The following USP9X variants were observed in gnomAD, a reference collection of about 807,000 sequenced individuals.
USP9X encodes ubiquitin specific peptidase 9 X-linked, also known as ubiquitin carboxyl-terminal hydrolase 9X.
A neutral mutation model predicts 190.3 loss-of-function variants in USP9X; 7 were observed. The observed-to-expected ratio is 0.04, with a 90% CI of 0.02 to 0.07. The LOEUF (loss-of-function observed/expected upper bound fraction) is 0.07, where lower values mean the gene tolerates loss of function less well. USP9X is among the 10% of genes least tolerant of loss of function. The pLI, the probability that USP9X is intolerant of heterozygous loss-of-function variation, is 1.00. For missense variants in USP9X, 1,010 were observed against 1,916.9 expected (o/e 0.53, Z 8.83); for synonymous variants, 645 against 659.5 (o/e 0.98, Z 0.34).
Position 41,235,847 on chromosome X carries a change from G to A in USP9X, c.*3323G>A, listed in dbSNP as rs775290764. 1.5e-4 allele frequency: 17 copies of A among 111,544 alleles called. No individual in the cohort carries two copies. Among genetic ancestry groups the A allele is most frequent in the East Asian group, 5.6e-4 (2 of 3,589 alleles). 9.2% of individuals were successfully genotyped at this position (111,544 alleles called of 1,213,427 possible). On this transcript the variant is annotated 3_prime_UTR_variant, in exon 45 of 45. Coordinates refer to ENST00000378308, the MANE Select transcript of USP9X (RefSeq NM_001039591.3). ...TGAATAACTTAAATCCTTAATCCTC[G>A]TAGTGGTTAGAAAGATGAGGAGACT...
intron 1 of USP9X, among the ~76,000 whole-genome samples, chrX:41,114,956 C>T (rs767754897): frequency 6.3e-5 from 7 of 110,289 alleles, no homozygotes; most frequent in South Asian, 3.8e-4. Context: ...GGCGCAGTGG[C>T]TTATGCCTGT....
intron 31 of USP9X, among the ~76,000 whole-genome samples, chrX:41,202,549 C>T (rs1458785605): frequency 9.0e-6 from 1 of 111,536 alleles, no homozygotes; most frequent in East Asian, 2.8e-4. Context: ...ACTGATTTTG[C>T]TCTGAAGAAG....
At chrX:41,225,928 G>A (rs1229231698) in intron 41 of USP9X, among the ~76,000 whole-genome samples, 1 of 112,176 alleles carries the variant, frequency 8.9e-6, no homozygotes, top group Non-Finnish European at 1.9e-5. Context: ...ACAAATATGT[G>A]GAAAATGTGG....
Position 41,218,613 on chromosome X carries a change from T to G in USP9X, c.6435+16T>G. 2 of 1,179,252 alleles carry G rather than the reference T, an allele frequency of 1.7e-6. No homozygotes were observed. Among genetic ancestry groups the G allele is most frequent in the Non-Finnish European group, 2.3e-6 (2 of 867,317 alleles). Reference sequence around the variant, plus strand: ...TTCTAGTCAGGTAATTGCACAGCTTTCTTTCTAAATGATGAGATGTTTACA... The same window carrying G: ...TTCTAGTCAGGTAATTGCACAGCTTGCTTTCTAAATGATGAGATGTTTACA... On this transcript the variant is annotated intron_variant, in intron 37 of 44. Transcript: ENST00000378308.
chrX:41,087,727 T>G (rs911058371), intron 1 of USP9X, among the ~76,000 whole-genome samples: 3 of 112,302 alleles, frequency 2.7e-5, no homozygotes, highest in African/African-American at 9.7e-5. Flanking sequence ...AAATAGGACG[T>G]TTGGACTATA....
At chrX:41,096,144 T>A (rs1371725528) in intron 1 of USP9X, among the ~76,000 whole-genome samples, 1 of 112,418 alleles carries the variant, frequency 8.9e-6, no homozygotes, top group Non-Finnish European at 1.9e-5. Context: ...ATGACTACTC[T>A]CTCAATGTGG....
intron 17 of USP9X, 46 bp downstream of exon 17, chrX:41,167,623 C>T (rs757933095): frequency 2.1e-6 from 2 of 968,822 alleles, no homozygotes; most frequent in African/African-American, 1.9e-5. Context: ...ATTCTTTCGG[C>T]CCCCATTTCT....
At chrX:41,094,263 G>A (rs948617517) in intron 1 of USP9X, among the ~76,000 whole-genome samples, 1 of 106,685 alleles carries the variant, frequency 9.4e-6, no homozygotes, top group Non-Finnish European at 1.9e-5. Flanking sequence ...TGCAACCTCC[G>A]CCTCCTGGGT....
At chrX:41,169,850 C>T (rs1300737330) in intron 18 of USP9X, 145 bp from the exon 19 acceptor site, 8 of 794,420 alleles carry the variant, frequency 1.0e-5, no homozygotes, top group Non-Finnish European at 1.3e-5. Flanking sequence ...ATAAGGGATT[C>T]TCAAGCTGTA....
Position 41,137,008 on chromosome X carries a change from C to G in USP9X, c.640C>G (p.Pro214Ala), listed in dbSNP as rs878853105. Reference sequence around the variant, plus strand: ...TGAACTCTTTGCTCGTTCTCCAGATCCTCGATCACCAAAGGTGTGTTGGTT... The same window carrying G: ...TGAACTCTTTGCTCGTTCTCCAGATGCTCGATCACCAAAGGTGTGTTGGTT... The part of the protein sequence containing the change: ...EDELFARSPD[P>A]RSPKGWLVDL... The change falls in exon 6 of 45, where the codon CCT becomes GCT. Residue 214 changes from proline to alanine, a missense_variant. Around this residue, in one of 11 missense-constraint regions of USP9X, gnomAD observed 176 missense variants for 247.5 expected, o/e 0.71. Transcript: ENST00000378308. 15 of 1,208,609 alleles carry G rather than the reference C, an allele frequency of 1.2e-5. No homozygotes were observed. Among genetic ancestry groups the G allele is most frequent in the Non-Finnish European group, 1.6e-5 (14 of 894,006 alleles).
At chrX:41,133,219 A>G (rs2062339515) in intron 4 of USP9X, among the ~76,000 whole-genome samples, 1 of 112,218 alleles carries the variant, frequency 8.9e-6, no homozygotes, top group African/African-American at 3.2e-5. Flanking sequence ...TTAATCTTGT[A>G]GAAATAATAT....
intron 13 of USP9X, among the ~76,000 whole-genome samples, chrX:41,152,281 C>T (rs771995481): frequency 2.7e-5 from 3 of 111,913 alleles, no homozygotes; most frequent in Admixed American, 9.4e-5. Context: ...GTACATATTT[C>T]GGCCTTTCTC....
intron 32 of USP9X, among the ~76,000 whole-genome samples, chrX:41,207,389 A>G (rs73480454): frequency 9.5e-4 from 106 of 111,327 alleles, no homozygotes; most frequent in African/African-American, 3.4e-3. Flanking sequence ...CTGGCCAATT[A>G]TCATTATCTT....
chrX:41,187,492 A>C (rs2062891609), intron 24 of USP9X, among the ~76,000 whole-genome samples: 1 of 112,715 alleles, frequency 8.9e-6, no homozygotes, highest in African/African-American at 3.2e-5. Context: ...GCTGTGAATA[A>C]AGCTGATGTA....
In USP9X at chrX:41,216,143, G is replaced by A; in HGVS notation, c.5576G>A (p.Gly1859Glu). 8.3e-7 allele frequency: 1 copy of A among 1,211,797 alleles called. No individual in the cohort carries two copies. Among genetic ancestry groups the A allele is most frequent in the Non-Finnish European group, 1.1e-6 (1 of 895,545 alleles). ...GAGCAGTCTGAAAGTGAGACAGCAG[G>A]AAGCACAAAATACAGACTTGTGGGT... ...QSEQSESETA[G>E]STKYRLVGVL... Residue 1859 changes from glycine to glutamate, a missense_variant, in exon 35 of 45, where the codon GGA (glycine) becomes GAA (glutamate). Physicochemically the swap from Gly to Glu is moderately conservative, Grantham distance 98 (BLOSUM62 -2). This residue lies in a region of USP9X where 120 missense variants were observed against 342.7 expected (regional missense o/e 0.35). Transcript: ENST00000378308.
At chrX:41,090,310 A>G (rs938090503) in intron 1 of USP9X, among the ~76,000 whole-genome samples, 11 of 111,625 alleles carry the variant, frequency 9.9e-5, no homozygotes, top group African/African-American at 3.6e-4. Flanking sequence ...GTAATAAGGA[A>G]AAAGACTTAA....
rs368629715 is a variant in USP9X, at chrX:41,140,728, A to G, written c.727A>G (p.Asn243Asp). The G allele has an allele frequency of 2.7e-5, 32 of 1,204,227 alleles. No individual in the cohort carries two copies. The highest frequency in any genetic ancestry group is 3.6e-5 in the Non-Finnish European group (32 of 893,429). Residue 243 changes from asparagine to aspartate, a missense_variant, in exon 7 of 45, where the codon AAT becomes GAT. Around this residue, in one of 11 missense-constraint regions of USP9X, gnomAD observed 176 missense variants for 247.5 expected, o/e 0.71. Transcript: ENST00000378308. ...CCAGATTTTGCATGATCGTTTTATTAATGGATCAGCATTAAACGTTCAAAT... is the reference window on the plus strand; with the variant it reads ...CCAGATTTTGCATGATCGTTTTATTGATGGATCAGCATTAAACGTTCAAAT... ...GFQILHDRFI[N>D]GSALNVQIIA...
At chrX:41,194,347 G>A (rs1411419486) in intron 26 of USP9X, among the ~76,000 whole-genome samples, 7 of 111,597 alleles carry the variant, frequency 6.3e-5, no homozygotes, top group East Asian at 2.8e-4. Flanking sequence ...CTGAGGTTGG[G>A]AGTTCGAGAC....
intron 11 of USP9X, among the ~76,000 whole-genome samples, chrX:41,145,015 A>T (rs1213499817): frequency 9.0e-6 from 1 of 111,648 alleles, no homozygotes; most frequent in African/African-American, 3.3e-5. Flanking sequence ...AATGTAACTG[A>T]TAAGGTAGCC....
Sources: gnomAD v4.1 joint callset for allele counts (sites outside exome capture counted in the v4.1 genomes callset) on GRCh38, gnomAD v4.1.1 for gene constraint, gnomAD v4.1.1 regional missense constraint, MANE v1.5 for transcripts, NCBI Gene and HGNC (gene_info 2026-07-23, HGNC 2026-07-21) for gene names.